Variants in ZEB1 observed in about 807,000 individuals in gnomAD.
ZEB1 encodes the protein zinc finger E-box binding homeobox 1.
In ZEB1, 21 loss-of-function variants were observed where a neutral mutation model predicts 84.9. The ratio of observed to expected loss-of-function variants is 0.25; its 90% confidence interval spans 0.18 to 0.36. The LOEUF (loss-of-function observed/expected upper bound fraction) is 0.36. Among genes scored for constraint, ZEB1 ranks in the 10% least tolerant of loss-of-function variants. ZEB1 has a pLI of 1.00. For missense variants in ZEB1, 1,104 were observed against 1,330.2 expected (o/e 0.83, Z 2.65); for synonymous variants, 420 against 471.1 (o/e 0.89, Z 1.41).
intron 1 of ZEB1, among the ~76,000 whole-genome samples, chr10:31,340,946 G>A (rs979090050): frequency 1.3e-5 from 2 of 152,106 alleles, no homozygotes; most frequent in Non-Finnish European, 2.9e-5. Flanking sequence ...GGAATGTTCT[G>A]GACATACAAG....
chr10:31,502,116 G>A (rs2068234006), intron 3 of ZEB1, among the ~76,000 whole-genome samples: 2 of 152,012 alleles, frequency 1.3e-5, no homozygotes, highest in Non-Finnish European at 2.9e-5. Flanking sequence ...ACATTTGAAA[G>A]GGATACTGTG....
In ZEB1 at chr10:31,385,308, A is replaced by G. The variant is rs533291322; in HGVS notation, c.58+66016A>G. On this transcript the variant is annotated intron_variant, in intron 1 of 8. Coordinates refer to ENST00000424869, the MANE Select transcript of ZEB1 (RefSeq NM_001174096.2). ...CTCTGAAATGAAATGCACCATACAC[A>G]TTGTCCAGTATGTTTTGAGTTTTAA... is the stretch of plus-strand genomic sequence containing the variant. Among the ~76,000 whole-genome samples the G allele has an allele frequency of 3.7e-4, 57 of 152,262 alleles. No homozygotes were observed. The South Asian group carries it at 0.011, about 29-fold the overall frequency.
chr10:31,527,560 T>G lies in ZEB1; in HGVS notation c.*296T>G, dbSNP rs977688961. On this transcript the variant is annotated 3_prime_UTR_variant, in exon 9 of 9. Transcript: ENST00000424869. ...CAGCAGATTAGAAAACCTTAATGAC[T>G]CAGAGAGCAACAATACAAGAGGTTA... The G allele has an allele frequency of 7.7e-6, 3 of 389,118 alleles. No homozygotes were observed. Among genetic ancestry groups the G allele is most frequent in the African/African-American group, 6.1e-5 (3 of 49,200 alleles). 24.1% of individuals were successfully genotyped at this position (389,118 alleles called of 1,614,324 possible).
intron 1 of ZEB1, among the ~76,000 whole-genome samples, chr10:31,459,561 AAG>A (rs1262467950): frequency 6.6e-6 from 1 of 152,092 alleles, no homozygotes; most frequent in Non-Finnish European, 1.5e-5. Flanking sequence ...ATAATAAAAT[AAG>A]AGAGAAAACC....
chr10:31,374,873 G>T (rs951281325), intron 1 of ZEB1: 2 of 151,888 alleles, frequency 1.3e-5, no homozygotes, highest in East Asian at 3.9e-4. Flanking sequence ...TTACGGGAGA[G>T]TTCTTACAGG....
intron 1 of ZEB1, among the ~76,000 whole-genome samples, chr10:31,354,831 A>G (rs2052344678): frequency 6.6e-6 from 1 of 152,214 alleles, no homozygotes; most frequent in South Asian, 2.1e-4. Context: ...GCTGCATTAT[A>G]GTGATCTTTA....
At chr10:31,389,619 A>C (rs1358392097) in intron 1 of ZEB1, 1 of 152,110 alleles carries the variant, frequency 6.6e-6, no homozygotes, top group African/African-American at 2.4e-5. Flanking sequence ...GGGACAACAA[A>C]GAAATTCTAG....
At chr10:31,455,943 A>G (rs223573) in intron 1 of ZEB1, among the ~76,000 whole-genome samples, 64,541 of 152,086 alleles carry the variant, frequency 0.42, 16,628 homozygotes, top group Admixed American at 0.58. Flanking sequence ...TGCTGCTATA[A>G]AGACACATGC....
At chr10:31,472,480 C>T (rs2063413831) in intron 2 of ZEB1, among the ~76,000 whole-genome samples, 1 of 151,788 alleles carries the variant, frequency 6.6e-6, no homozygotes, top group Non-Finnish European at 1.5e-5. Flanking sequence ...CATTCCTCGA[C>T]ACATACACTC....
At chr10:31,383,939 T>G (rs2048151606) in intron 1 of ZEB1, among the ~76,000 whole-genome samples, 1 of 147,938 alleles carries the variant, frequency 6.8e-6, no homozygotes, top group Admixed American at 6.7e-5. Flanking sequence ...TAACATAAGA[T>G]CCTACTCCTG....
At chr10:31,526,593 A>G in intron 8 of ZEB1, 79 bp from the exon 9 acceptor site, 3 of 1,550,688 alleles carry the variant, frequency 1.9e-6, no homozygotes, top group Non-Finnish European at 2.6e-6. Context: ...TTTCTACAAC[A>G]TGAAGTACCC....
At chr10:31,342,986 C>T (rs2039668292) in intron 1 of ZEB1, among the ~76,000 whole-genome samples, 5 of 152,122 alleles carry the variant, frequency 3.3e-5, no homozygotes, top group Admixed American at 2.6e-4. Context: ...GGCAGCACAT[C>T]TCACCTCTTT....
At chr10:31,447,843 A>G (rs2059995368) in intron 1 of ZEB1, among the ~76,000 whole-genome samples, 1 of 152,162 alleles carries the variant, frequency 6.6e-6, no homozygotes, top group South Asian at 2.1e-4. Context: ...GCTGCCCTTA[A>G]CATTTCTTCC....
At chr10:31,476,586 A>G (rs1264675045) in intron 2 of ZEB1, among the ~76,000 whole-genome samples, 1 of 152,036 alleles carries the variant, frequency 6.6e-6, no homozygotes. Flanking sequence ...ATACCAAGGC[A>G]GGAAGGATAC....
intron 1 of ZEB1, among the ~76,000 whole-genome samples, chr10:31,408,362 A>G (rs1305336540): frequency 1.3e-5 from 2 of 151,674 alleles, no homozygotes; most frequent in Non-Finnish European, 2.9e-5. Flanking sequence ...TCAAGCTACC[A>G]ATGACTTTCT....
rs113211561 is a variant in ZEB1, at chr10:31,414,273, A to G, written c.59-46764A>G. On this transcript the variant is annotated intron_variant, in intron 1 of 8. Transcript: ENST00000424869. ...GTTACTTGTTTTTTCTATCTTCTCA[A>G]CTGGTAATAATAACTCTACTGAATA... Among the ~76,000 whole-genome samples, 104 of 152,328 alleles carry G rather than the reference A, an allele frequency of 6.8e-4. 2 individuals carry two copies. Among genetic ancestry groups the G allele is most frequent in the African/African-American group, 2.4e-3 (101 of 41,572 alleles).
chr10:31,364,917 C>T (rs1312056707), intron 1 of ZEB1, among the ~76,000 whole-genome samples: 8 of 152,314 alleles, frequency 5.3e-5, no homozygotes, highest in South Asian at 2.1e-4. Flanking sequence ...CTTCAACATA[C>T]GAGTTGACCA....
rs375532661 is a variant in ZEB1 at position 31,443,400 on chromosome 10, C to A, written c.59-17637C>A. Among the ~76,000 whole-genome samples the A allele has an allele frequency of 2.5e-4, 38 of 150,260 alleles. 1 individual carries two copies. The highest frequency in any genetic ancestry group is 8.3e-4 in the African/African-American group (34 of 40,728). On this transcript the variant is annotated intron_variant, in intron 1 of 8. Coordinates refer to ENST00000424869, the MANE Select transcript of ZEB1 (RefSeq NM_001174096.2). Reference sequence around the variant, plus strand: ...ATTCCAGGTTTGTAAAAGGATTTGCCTATATTTTCTTCTTTTTTTTTTTTA... The same window carrying A: ...ATTCCAGGTTTGTAAAAGGATTTGCATATATTTTCTTCTTTTTTTTTTTTA...
upstream of ZEB1, chr10:31,319,189 G>C: frequency 7.1e-7 from 1 of 1,408,444 alleles, no homozygotes; most frequent in Non-Finnish European, 9.7e-7. Flanking sequence ...AAGGGGGAGG[G>C]AGGGGGAGGA....
Sources: gnomAD v4.1 joint callset for allele counts (sites outside exome capture counted in the v4.1 genomes callset) on GRCh38, gnomAD v4.1.1 for gene constraint, MANE v1.5 for transcripts, NCBI Gene and HGNC (gene_info 2026-07-23, HGNC 2026-07-21) for gene names.